RFTN2: variants seen among roughly 807,000 people sequenced by gnomAD.
RFTN2 encodes raftlin family member 2.
In RFTN2, 34 loss-of-function variants were observed where a neutral mutation model predicts 52.7. The ratio of observed to expected loss-of-function variants is 0.64; its 90% CI spans 0.49 to 0.86. The LOEUF (loss-of-function observed/expected upper bound fraction) is 0.86. RFTN2 is among the 40% of genes least tolerant of loss of function. The pLI is 0.00. For synonymous variants in RFTN2, 203 were observed against 217.7 expected (o/e 0.93, Z 0.59); for missense variants, 536 against 600.1 (o/e 0.89, Z 1.12).
At chr2:197,609,713 A>G (rs1206519801) in intron 7 of RFTN2, among the ~76,000 whole-genome samples, 1 of 152,118 alleles carries the variant, frequency 6.6e-6, no homozygotes, top group African/African-American at 2.4e-5. Flanking sequence ...CCTGAGTGGT[A>G]TTGCCCAGGT....
chr2:197,645,916 C>G (rs1372284723), intron 2 of RFTN2, among the ~76,000 whole-genome samples: 1 of 152,032 alleles, frequency 6.6e-6, no homozygotes, highest in Non-Finnish European at 1.5e-5. Flanking sequence ...ATCCCAGCTA[C>G]TTGGGAGGCT....
chr2:197,590,282 A>G (rs958801158), intron 8 of RFTN2, among the ~76,000 whole-genome samples: 2 of 152,200 alleles, frequency 1.3e-5, no homozygotes, highest in East Asian at 1.9e-4. Flanking sequence ...TAGTTTAACT[A>G]AAATGAATTC....
intron 8 of RFTN2, among the ~76,000 whole-genome samples, chr2:197,592,091 G>T (rs2087725628): frequency 6.6e-6 from 1 of 152,222 alleles, no homozygotes; most frequent in African/African-American, 2.4e-5. Context: ...AGTGAGGGCT[G>T]CGAGGGTTGC....
intron 3 of RFTN2, among the ~76,000 whole-genome samples, chr2:197,637,557 G>GT (rs1189792931): frequency 6.6e-6 from 1 of 152,286 alleles, no homozygotes; most frequent in African/African-American, 2.4e-5. Flanking sequence ...TCTGATGGTA[G>GT]TTTGTATTTC....
intron 3 of RFTN2, 127 bp from the exon 4 acceptor site, chr2:197,634,124 C>T: frequency 1.3e-6 from 1 of 757,830 alleles, no homozygotes. Flanking sequence ...AGTGACAAGA[C>T]TCATTCATAA....
chr2:197,602,687 C>T (rs1030329081), intron 7 of RFTN2, among the ~76,000 whole-genome samples: 7 of 151,966 alleles, frequency 4.6e-5, no homozygotes, highest in African/African-American at 9.7e-5. Context: ...TACAGGTGTG[C>T]GCCACCACCA....
rs1333375197 is a variant in RFTN2, at chr2:197,660,850, C to T, written c.140-14184G>A. 3.3e-5 allele frequency among the ~76,000 whole-genome samples: 5 copies of T among 152,110 alleles called. No homozygotes were observed. The East Asian group carries it at 5.8e-4, about 18-fold the overall frequency. ...CTGGGATTACAGGTGTGAGCCACTG[C>T]GCCCGGCCAAGTATTTATTATTTCT... On this transcript the variant is annotated intron_variant, in intron 1 of 8. Coordinates refer to ENST00000295049, the MANE Select transcript of RFTN2 (RefSeq NM_144629.3).
intron 7 of RFTN2, among the ~76,000 whole-genome samples, chr2:197,602,142 C>T (rs375866066): frequency 6.6e-6 from 1 of 151,302 alleles, no homozygotes; most frequent in Non-Finnish European, 1.5e-5. Context: ...CTTGGCTCAC[C>T]GCAACCCCCA....
At chr2:197,634,933 G>A (rs1227487929) in intron 3 of RFTN2, among the ~76,000 whole-genome samples, 2 of 126,654 alleles carry the variant, frequency 1.6e-5, no homozygotes, top group African/African-American at 6.2e-5. Context: ...TCCCCTTCCT[G>A]TGTCCATGTG....
chr2:197,658,532 G>A (rs1371576116), intron 1 of RFTN2, among the ~76,000 whole-genome samples: 3 of 151,222 alleles, frequency 2.0e-5, no homozygotes, highest in Admixed American at 6.6e-5. Context: ...GGCTATCCTC[G>A]TTCCTAGACT....
At chr2:197,658,416 G>T (rs919186124) in intron 1 of RFTN2, among the ~76,000 whole-genome samples, 2 of 151,124 alleles carry the variant, frequency 1.3e-5, no homozygotes, top group Non-Finnish European at 2.9e-5. Context: ...GACCACAGGC[G>T]CATGCCATGA....
intron 2 of RFTN2, among the ~76,000 whole-genome samples, chr2:197,645,562 A>G (rs900821774): frequency 6.6e-6 from 1 of 152,246 alleles, no homozygotes; most frequent in African/African-American, 2.4e-5. Flanking sequence ...AAAACTATCA[A>G]ATTTACAATC....
rs1459712679 is a variant in RFTN2, at chr2:197,622,598, G to A, written c.929-4677C>T. 4.6e-5 allele frequency among the ~76,000 whole-genome samples: 7 copies of A among 152,162 alleles called. No homozygotes were observed. In the East Asian group the frequency reaches 7.7e-4, roughly 17 times the overall value. Reference sequence around the variant, plus strand: ...TGGGATTACAGGCGTGAGCCACTGCGCCTGGCCTAAAACTATAGATTTTCA... The same window carrying A: ...TGGGATTACAGGCGTGAGCCACTGCACCTGGCCTAAAACTATAGATTTTCA... On this transcript the variant is annotated intron_variant, in intron 5 of 8. Coordinates refer to ENST00000295049, the MANE Select transcript of RFTN2 (RefSeq NM_144629.3).
chr2:197,581,883 G>A (rs2087516404), intron 8 of RFTN2, among the ~76,000 whole-genome samples: 1 of 152,084 alleles, frequency 6.6e-6, no homozygotes, highest in Admixed American at 6.5e-5. Flanking sequence ...CTCACAAAAG[G>A]AAACCTAGCT....
chr2:197,634,049 ATTACT>A (rs768361479), intron 3 of RFTN2, 52 bp from the exon 4 acceptor site: 1 of 1,461,560 alleles, frequency 6.8e-7, no homozygotes. Flanking sequence ...ATTTTCATTG[ATTACT>A]TTATCAATTA....
chr2:197,654,659 G>A (rs2088868629), intron 1 of RFTN2, among the ~76,000 whole-genome samples: 1 of 152,098 alleles, frequency 6.6e-6, no homozygotes, highest in South Asian at 2.1e-4. Context: ...AGAGACAGAT[G>A]ACACCAGAGG....
chr2:197,626,435 G>A (rs186082361), intron 5 of RFTN2, among the ~76,000 whole-genome samples: 9 of 151,866 alleles, frequency 5.9e-5, no homozygotes, highest in Admixed American at 5.3e-4. Context: ...GTGTGGTGGC[G>A]TGCATATAGT....
At chr2:197,674,717 C>T (rs2089193079) in intron 1 of RFTN2, among the ~76,000 whole-genome samples, 1 of 151,990 alleles carries the variant, frequency 6.6e-6, no homozygotes, top group African/African-American at 2.4e-5. Context: ...TTTGTGTTTC[C>T]AACTTTCTGG....
At chr2:197,656,058 A>G (rs1000015357) in intron 1 of RFTN2, among the ~76,000 whole-genome samples, 2 of 152,158 alleles carry the variant, frequency 1.3e-5, no homozygotes, top group African/African-American at 4.8e-5. Context: ...CAGGGTACTC[A>G]TGGAGCAGTG....
Sources: allele counts gnomAD v4.1 joint callset (sites outside exome capture counted in the v4.1 genomes callset), GRCh38; gene constraint gnomAD v4.1.1; transcripts MANE v1.5; gene names NCBI Gene and HGNC (gene_info 2026-07-23, HGNC 2026-07-21).